The following IGSF21 variants were observed in gnomAD, a reference collection of about 807,000 sequenced individuals.
IGSF21 encodes the protein immunoglobulin superfamily member 21.
IGSF21 carries 28 observed loss-of-function variants against 46.8 expected under a neutral mutation model. The observed-to-expected ratio is 0.60, with a 90% CI of 0.44 to 0.82. The LOEUF (loss-of-function observed/expected upper bound fraction) is 0.82. Ranked by LOEUF, IGSF21 falls within the 40% of genes least tolerant of loss-of-function variation. The pLI, the probability that IGSF21 is intolerant of heterozygous loss-of-function variation, is 0.00. For synonymous variants in IGSF21, 284 were observed against 273.6 expected, an observed-to-expected ratio of 1.04 and a Z score of -0.38; for missense variants, 624 against 665.5, an observed-to-expected ratio of 0.94 and a Z score of 0.69.
chr1:18,305,181 G>GGGATGGAT (rs77556898), intron 3 of IGSF21, among the ~76,000 whole-genome samples: 7,821 of 150,098 alleles, frequency 0.052, 536 homozygotes, highest in African/African-American at 0.16. Flanking sequence ...GATAGGGAAG[G>GGGATGGAT]GGATGGATGG....
intron 2 of IGSF21, among the ~76,000 whole-genome samples, chr1:18,265,288 G>A (rs555166473): frequency 6.6e-6 from 1 of 152,280 alleles, no homozygotes; most frequent in South Asian, 2.1e-4. Flanking sequence ...GTTGTGTTGT[G>A]TGATATATTG....
At chr1:18,268,365 C>T (rs1431784716) in intron 2 of IGSF21, among the ~76,000 whole-genome samples, 4 of 152,202 alleles carry the variant, frequency 2.6e-5, no homozygotes, top group Non-Finnish European at 4.4e-5. Flanking sequence ...AGCTTCTTAC[C>T]ACAAGGTAGC....
chr1:18,199,841 G>A lies in IGSF21; in HGVS notation c.71-28057G>A, dbSNP rs116592224. Among the ~76,000 whole-genome samples, 141 of 152,214 alleles carry A rather than the reference G, an allele frequency of 9.3e-4. 1 individual carries two copies. The highest frequency in any genetic ancestry group is 3.2e-3 in the African/African-American group (132 of 41,542). On this transcript the variant is annotated intron_variant, in intron 1 of 9. Coordinates refer to ENST00000251296, the MANE Select transcript of IGSF21 (RefSeq NM_032880.5). Reference sequence around the variant, plus strand: ...GGAGCTCAGAGCCCCTCCCCGCTTCGTCAGATAAGGTGCTCTTGCTTGGGG... The same window carrying A: ...GGAGCTCAGAGCCCCTCCCCGCTTCATCAGATAAGGTGCTCTTGCTTGGGG...
At chr1:18,264,176 C>A (rs1341843358) in intron 2 of IGSF21, among the ~76,000 whole-genome samples, 1 of 152,170 alleles carries the variant, frequency 6.6e-6, no homozygotes, top group African/African-American at 2.4e-5. Flanking sequence ...GCAGTCCCCT[C>A]CTTCTGTATG....
chr1:18,352,842 C>T (rs1176028252), intron 4 of IGSF21, among the ~76,000 whole-genome samples: 2 of 152,184 alleles, frequency 1.3e-5, no homozygotes, highest in African/African-American at 4.8e-5. Context: ...AGGCACCTCC[C>T]TGCAGAGCAG....
chr1:18,336,902 A>G (rs796467106), intron 4 of IGSF21, among the ~76,000 whole-genome samples: 9 of 152,288 alleles, frequency 5.9e-5, no homozygotes, highest in African/African-American at 2.2e-4. Context: ...AGACAAGAGA[A>G]CTTGTGCAGG....
At chr1:18,292,337 C>A (rs1425446298) in intron 3 of IGSF21, among the ~76,000 whole-genome samples, 1 of 152,262 alleles carries the variant, frequency 6.6e-6, no homozygotes, top group Non-Finnish European at 1.5e-5. Context: ...AACAATGACA[C>A]CGCTGGGCGG....
intron 1 of IGSF21, among the ~76,000 whole-genome samples, chr1:18,158,690 C>A (rs1455202285): frequency 6.6e-6 from 1 of 152,154 alleles, no homozygotes; most frequent in Admixed American, 6.5e-5. Flanking sequence ...AGGCCCTGGG[C>A]TTGTGTTCAA....
chr1:18,191,788 C>A (rs961395442), intron 1 of IGSF21, among the ~76,000 whole-genome samples: 2 of 152,138 alleles, frequency 1.3e-5, no homozygotes, highest in Non-Finnish European at 2.9e-5. Flanking sequence ...CTGCCCCCTG[C>A]GTTCTGAGGC....
At position 18,335,214 on chromosome 1, in the gene IGSF21, A is replaced by G. The variant is rs546729182; in HGVS notation, c.424+204A>G. ...TGTGACCCGTGAAGTCTTGCCCCCC[A>G]TGGGCCTCCCCTCAGGAGGTCCCCT... On this transcript the variant is annotated intron_variant, in intron 4 of 9. Coordinates refer to ENST00000251296, the MANE Select transcript of IGSF21 (RefSeq NM_032880.5). The surrounding 1 kb of genome is among the most constrained non-coding windows in gnomAD (Gnocchi z 4.8). 6.6e-6 allele frequency among the ~76,000 whole-genome samples: 1 copy of G among 152,216 alleles called. No homozygotes were observed. Among genetic ancestry groups the G allele is most frequent in the East Asian group, 1.9e-4 (1 of 5,164 alleles).
intron 4 of IGSF21, among the ~76,000 whole-genome samples, chr1:18,358,046 A>AGAGTGT (rs2086040447): frequency 6.9e-6 from 1 of 144,658 alleles, no homozygotes; most frequent in African/African-American, 2.7e-5. Flanking sequence ...AGAGAGAGAG[A>AGAGTGT]GTGTGTGTGT....
In IGSF21 at chr1:18,376,294, C is replaced by G. The variant is rs376558543; in HGVS notation, c.1016-16C>G. Reference sequence around the variant, plus strand: ...CTTTCCTTACTCTCTCTGACCTGGCCTTTCTCTCCCTACAGTTGCCCCCAA... The same window carrying G: ...CTTTCCTTACTCTCTCTGACCTGGCGTTTCTCTCCCTACAGTTGCCCCCAA... On this transcript the variant is annotated splice_polypyrimidine_tract_variant and intron_variant, in intron 6 of 9. Transcript: ENST00000251296. The G allele has an allele frequency of 6.3e-7, 1 of 1,589,574 alleles. No homozygotes were observed. Among genetic ancestry groups the G allele is most frequent in the Non-Finnish European group, 8.6e-7 (1 of 1,157,814 alleles).
At chr1:18,155,118 G>A (rs2086556710) in intron 1 of IGSF21, among the ~76,000 whole-genome samples, 1 of 151,982 alleles carries the variant, frequency 6.6e-6, no homozygotes, top group Admixed American at 6.6e-5. Flanking sequence ...AGGGTCTCCA[G>A]GGAGCCTCTG....
chr1:18,230,394 A>G (rs1282577532), intron 2 of IGSF21, among the ~76,000 whole-genome samples: 1 of 152,212 alleles, frequency 6.6e-6, no homozygotes, highest in Non-Finnish European at 1.5e-5. Flanking sequence ...ATATCGGGCC[A>G]TGGTAGGCTG....
At chr1:18,316,135 A>C (rs1457174010) in intron 3 of IGSF21, among the ~76,000 whole-genome samples, 2 of 152,178 alleles carry the variant, frequency 1.3e-5, no homozygotes, top group East Asian at 3.9e-4. Context: ...CACGAGGCCA[A>C]CTGAGGTCCT....
At chr1:18,142,864 G>C (rs1432577406) in intron 1 of IGSF21, among the ~76,000 whole-genome samples, 1 of 152,188 alleles carries the variant, frequency 6.6e-6, no homozygotes, top group Non-Finnish European at 1.5e-5. Context: ...AAGCAGGGGC[G>C]GCCTGTGGCC....
In IGSF21 at chr1:18,271,799, T is replaced by G. The variant is rs935907543; in HGVS notation, c.184-20067T>G. Among the ~76,000 whole-genome samples, 93 of 152,200 alleles carry G rather than the reference T, an allele frequency of 6.1e-4. 1 individual carries two copies. The highest frequency in any genetic ancestry group is 2.5e-4 in the Non-Finnish European group (17 of 67,990). ...CCCAGCCCCTCAGGGCTGTGGAAGGTGTCAAGGAGATTTTGGGTAGGAAGC... is the reference window on the plus strand; with the variant it reads ...CCCAGCCCCTCAGGGCTGTGGAAGGGGTCAAGGAGATTTTGGGTAGGAAGC... On this transcript the variant is annotated intron_variant, in intron 2 of 9. Coordinates refer to ENST00000251296, the MANE Select transcript of IGSF21 (RefSeq NM_032880.5).
chr1:18,278,397 C>T (rs936451528), intron 2 of IGSF21, among the ~76,000 whole-genome samples: 13 of 151,726 alleles, frequency 8.6e-5, no homozygotes, highest in African/African-American at 3.1e-4. Context: ...CCCCCCAACA[C>T]ACCTGGCTAA....
chr1:18,359,376 A>C (rs1421982845), intron 4 of IGSF21, among the ~76,000 whole-genome samples: 23 of 109,542 alleles, frequency 2.1e-4, no homozygotes, highest in African/African-American at 8.7e-4. Context: ...GAAAGAAAGA[A>C]AGAAAGAAAG....
Sources: gnomAD v4.1 joint callset for allele counts (sites outside exome capture counted in the v4.1 genomes callset) on GRCh38, gnomAD v4.1.1 for gene constraint, Gnocchi (gnomAD v3.1) non-coding constraint, MANE v1.5 for transcripts, NCBI Gene and HGNC (gene_info 2026-07-23, HGNC 2026-07-21) for gene names.